Variants in CFAP47 observed in about 807,000 individuals in gnomAD.
CFAP47 encodes the protein cilia- and flagella-associated protein 47.
In CFAP47, 29 loss-of-function variants were observed where a neutral mutation model predicts 148.1. The observed-to-expected ratio is 0.20, with a 90% CI of 0.15 to 0.27. The LOEUF (loss-of-function observed/expected upper bound fraction) is 0.27, where lower values mean the gene tolerates loss of function less well. Ranked by LOEUF, CFAP47 falls within the 10% of genes least tolerant of loss-of-function variation. The probability of loss-of-function intolerance (pLI) is 1.00; values close to 1 mark genes in which losing one functional copy is unlikely to be tolerated. For synonymous variants in CFAP47, 664 were observed against 577.3 expected, an observed-to-expected ratio of 1.15 and a Z score of -2.15; for missense variants, 1,872 against 1,697.5, an observed-to-expected ratio of 1.10 and a Z score of -1.81.
rs782043631 is a variant in CFAP47, at chrX:36,367,108, A to C, written c.9166A>C (p.Arg3056=). Residue 3056 remains arginine, a synonymous_variant, in exon 62 of 64, where the codon AGG becomes CGG. Transcript: ENST00000378653. ...ATTTAAGGAATCTGTTTTTGAACTT[A>C]GGCTGAAAAGTCAGACAAGGTAATA... is the stretch of plus-strand genomic sequence containing the variant. ...GLFKESVFEL[R]LKSQTRNPEP... is the part of the protein sequence containing the mutation. The C allele has an allele frequency of 1.0e-5, 12 of 1,151,427 alleles. No individual in the cohort carries two copies. 94.9% of individuals were successfully genotyped at this position (1,151,427 alleles called of 1,213,427 possible).
Position 35,941,452 on chromosome X carries a change from G to A in CFAP47, c.517+54G>A, listed in dbSNP as rs1031949676. Reference sequence around the variant, plus strand: ...ACTTTTAGAAGAGTTGGTATTATTTGAAATGTATACCTTGTGTAATAGATT... The same window carrying A: ...ACTTTTAGAAGAGTTGGTATTATTTAAAATGTATACCTTGTGTAATAGATT... On this transcript the variant is annotated intron_variant, in intron 3 of 63. Transcript: ENST00000378653. 6 of 622,491 alleles carry A rather than the reference G, an allele frequency of 9.6e-6. No individual in the cohort carries two copies. The Admixed American group carries it at 1.2e-4, about 12-fold the overall frequency. The allele number at this position is 622,491 out of a possible 1,213,427, so 51.3% of individuals were successfully genotyped here.
intron 26 of CFAP47, among the ~76,000 whole-genome samples, chrX:36,061,747 C>T (rs1937595367): frequency 8.9e-6 from 1 of 111,960 alleles, no homozygotes; most frequent in African/African-American, 3.2e-5. Flanking sequence ...GAAATATAGT[C>T]ATCTGAATTT....
At chrX:35,959,469 G>A (rs1414977264) in intron 8 of CFAP47, among the ~76,000 whole-genome samples, 2 of 111,907 alleles carry the variant, frequency 1.8e-5, no homozygotes, top group African/African-American at 6.5e-5. Context: ...AGGTCATTAA[G>A]TTTTGTTTCC....
At chrX:36,111,683 A>T (rs957324100) in intron 33 of CFAP47, among the ~76,000 whole-genome samples, 12 of 111,712 alleles carry the variant, frequency 1.1e-4, no homozygotes, top group Non-Finnish European at 1.7e-4. Flanking sequence ...AGTAGAAATG[A>T]TACCAGCTCT....
chrX:35,920,715 G>C (rs1200444554), intron 1 of CFAP47, among the ~76,000 whole-genome samples: 2 of 111,624 alleles, frequency 1.8e-5, no homozygotes, highest in Non-Finnish European at 3.8e-5. Flanking sequence ...ATGGTTATTA[G>C]TTCAGTATGA....
chrX:36,171,207 A>G (rs1261545306), intron 39 of CFAP47, among the ~76,000 whole-genome samples: 1 of 106,808 alleles, frequency 9.4e-6, no homozygotes, highest in Non-Finnish European at 1.9e-5. Context: ...GCCCTTTGTC[A>G]GATGAGTAGG....
chrX:36,185,911 C>G (rs781992358), intron 40 of CFAP47, among the ~76,000 whole-genome samples: 1 of 111,557 alleles, frequency 9.0e-6, no homozygotes, highest in Non-Finnish European at 1.9e-5. Context: ...AGCTTAATTA[C>G]CCCCTTATAT....
At chrX:36,143,620 A>G (rs1400757546) in intron 35 of CFAP47, among the ~76,000 whole-genome samples, 1 of 110,889 alleles carries the variant, frequency 9.0e-6, no homozygotes, top group Non-Finnish European at 1.9e-5. Flanking sequence ...CAACCCCAAT[A>G]CTTTTGTGCT....
intron 37 of CFAP47, among the ~76,000 whole-genome samples, chrX:36,152,510 C>T (rs1939320402): frequency 9.0e-6 from 1 of 111,353 alleles, no homozygotes; most frequent in Non-Finnish European, 1.9e-5. Context: ...ACAGGAATGC[C>T]TATTGGTTAT....
rs748343193 is a variant in CFAP47, at chrX:36,022,144, A to G, written c.3556+7232A>G. The G allele has an allele frequency of 2.7e-5, 3 of 111,631 alleles. No homozygotes were observed. In the South Asian group the frequency reaches 1.1e-3, roughly 42 times the overall value. 9.2% of individuals were successfully genotyped at this position (111,631 alleles called of 1,213,427 possible). A position where few individuals can be genotyped will look rare whatever the true frequency, so the allele number is the denominator to read the frequency against. Reference sequence around the variant, plus strand: ...GCTTTCTGATTGAAGTACTCCACGCATTCCTTGTAGGACAATTCTGGTGTT... The same window carrying G: ...GCTTTCTGATTGAAGTACTCCACGCGTTCCTTGTAGGACAATTCTGGTGTT... On this transcript the variant is annotated intron_variant, in intron 22 of 63. Transcript: ENST00000378653.
chrX:36,351,251 G>T (rs1311665923), intron 59 of CFAP47, among the ~76,000 whole-genome samples: 2 of 111,659 alleles, frequency 1.8e-5, no homozygotes, highest in African/African-American at 6.5e-5. Context: ...TTTCCTTGAA[G>T]CATTTTTATT....
At chrX:36,371,782 ATATATGTGTG>A (rs1941956463) in intron 62 of CFAP47, among the ~76,000 whole-genome samples, 1 of 52,250 alleles carries the variant, frequency 1.9e-5, no homozygotes, top group Non-Finnish European at 2.8e-5. Flanking sequence ...ACACATGTGT[ATATATGTGTG>A]TATATACACA....
chrX:36,314,133 G>A (rs782157140), intron 56 of CFAP47, among the ~76,000 whole-genome samples: 3 of 111,710 alleles, frequency 2.7e-5, no homozygotes, highest in South Asian at 3.8e-4. Context: ...GACATTAGCA[G>A]GAGAAAAGAC....
chrX:36,259,279 A>C (rs1940790072), intron 49 of CFAP47, among the ~76,000 whole-genome samples: 1 of 111,494 alleles, frequency 9.0e-6, no homozygotes, highest in Non-Finnish European at 1.9e-5. Flanking sequence ...TGCTAGAAAA[A>C]AATCTGTGTG....
At chrX:36,371,191 G>A (rs1038935274) in intron 62 of CFAP47, among the ~76,000 whole-genome samples, 10 of 110,625 alleles carry the variant, frequency 9.0e-5, no homozygotes, top group South Asian at 3.7e-4. Context: ...TTTTACTAAC[G>A]TCTGCCCTTT....
At chrX:36,366,575 C>G (rs1230993158) in intron 61 of CFAP47, among the ~76,000 whole-genome samples, 1 of 111,378 alleles carries the variant, frequency 9.0e-6, no homozygotes, top group African/African-American at 3.3e-5. Flanking sequence ...AAAAAATCCC[C>G]GAATGGAATA....
At chrX:36,297,286 CA>C (rs1941251901) in intron 51 of CFAP47, among the ~76,000 whole-genome samples, 1 of 111,746 alleles carries the variant, frequency 8.9e-6, no homozygotes, top group South Asian at 3.7e-4. Flanking sequence ...CTGAAACAGC[CA>C]TAGACAAAGC....
At chrX:36,044,526 G>A (rs528136839) in intron 25 of CFAP47, among the ~76,000 whole-genome samples, 13 of 112,192 alleles carry the variant, frequency 1.2e-4, no homozygotes, top group African/African-American at 3.9e-4. Flanking sequence ...TCTCCATCAA[G>A]TTCAAATTTC....
At chrX:36,313,772 T>TTC (rs782318138) in intron 56 of CFAP47, among the ~76,000 whole-genome samples, 1 of 110,436 alleles carries the variant, frequency 9.1e-6, no homozygotes, top group Non-Finnish European at 1.9e-5. Context: ...TTCCTCATTT[T>TTC]TCTCTCTCTC....
Sources: allele counts gnomAD v4.1 joint callset (sites outside exome capture counted in the v4.1 genomes callset), GRCh38; gene constraint gnomAD v4.1.1; transcripts MANE v1.5; gene names NCBI Gene and HGNC (gene_info 2026-07-23, HGNC 2026-07-21).